The following KCNB2 variants were observed in gnomAD, a reference collection of about 807,000 sequenced individuals.
KCNB2 encodes delayed rectifier potassium channel protein.
In KCNB2, 15 loss-of-function variants were observed where a neutral mutation model predicts 61.5. That is an observed-to-expected ratio of 0.24 (90% CI 0.16 to 0.38). The LOEUF (loss-of-function observed/expected upper bound fraction) is 0.38, where lower values mean the gene tolerates loss of function less well. Among genes scored for constraint, KCNB2 ranks in the 10% least tolerant of loss-of-function variants. KCNB2 has a pLI of 1.00. For synonymous variants in KCNB2, 457 were observed against 446.0 expected (o/e 1.02, Z -0.31); for missense variants, 828 against 1,125.2 (o/e 0.74, Z 3.78).
chr8:72,704,835 G>A (rs375947200), intron 2 of KCNB2, among the ~76,000 whole-genome samples: 1 of 152,186 alleles, frequency 6.6e-6, no homozygotes, highest in African/African-American at 2.4e-5. Flanking sequence ...AAACAGCATA[G>A]TATTTGCATA....
intron 2 of KCNB2, among the ~76,000 whole-genome samples, chr8:72,651,992 T>C (rs953714909): frequency 1.3e-5 from 2 of 152,104 alleles, no homozygotes; most frequent in Non-Finnish European, 2.9e-5. Flanking sequence ...AATGTCTTCT[T>C]GATTCTTCTT....
chr8:72,827,874 G>C (rs1002689198), intron 2 of KCNB2, among the ~76,000 whole-genome samples: 1 of 151,254 alleles, frequency 6.6e-6, no homozygotes, highest in African/African-American at 2.4e-5. Context: ...CTCCAATGGC[G>C]TGATCACGGC....
chr8:72,677,433 G>T (rs1034988300), intron 2 of KCNB2, among the ~76,000 whole-genome samples: 1 of 152,100 alleles, frequency 6.6e-6, no homozygotes, highest in Non-Finnish European at 1.5e-5. Flanking sequence ...CAGCACATAG[G>T]CATGCTGTAA....
At chr8:72,647,650 G>A (rs1472141665) in intron 2 of KCNB2, among the ~76,000 whole-genome samples, 1 of 152,252 alleles carries the variant, frequency 6.6e-6, no homozygotes. Context: ...TTTGCACAGA[G>A]GTGACTGGGT....
chr8:72,621,107 C>T (rs1442217560), intron 2 of KCNB2, among the ~76,000 whole-genome samples: 1 of 152,102 alleles, frequency 6.6e-6, no homozygotes, highest in Non-Finnish European at 1.5e-5. Flanking sequence ...ACTTTTGATA[C>T]AAGAAATAAG....
intron 1 of KCNB2, among the ~76,000 whole-genome samples, chr8:72,543,403 G>T (rs1163603954): frequency 6.6e-6 from 1 of 152,188 alleles, no homozygotes; most frequent in Non-Finnish European, 1.5e-5. Flanking sequence ...TGGATAAGAT[G>T]ATAATATTCA....
At chr8:72,786,114 T>A (rs73686516) in intron 2 of KCNB2, among the ~76,000 whole-genome samples, 21,328 of 151,630 alleles carry the variant, frequency 0.14, 1,813 homozygotes, top group South Asian at 0.3. Flanking sequence ...GCTCACTGCT[T>A]ATCTGTTTAT....
rs1224097767 is a variant in KCNB2 at position 72,634,066 on chromosome 8, G to A, written c.579+65753G>A. On this transcript the variant is annotated intron_variant, in intron 2 of 2. Transcript: ENST00000523207. ...GTAAATTGTCACCTTGCTGTGCACT[G>A]TAATGTTTCTGGTTACCCATCTAAA... Among the ~76,000 whole-genome samples, 11 of 152,206 alleles carry A rather than the reference G, an allele frequency of 7.2e-5. No homozygotes were observed. The South Asian group carries it at 1.9e-3, about 26-fold the overall frequency.
intron 2 of KCNB2, among the ~76,000 whole-genome samples, chr8:72,650,753 A>ACAGT (rs1406100428): frequency 6.6e-6 from 1 of 152,146 alleles, no homozygotes; most frequent in Non-Finnish European, 1.5e-5. Flanking sequence ...TTTTAAAAGG[A>ACAGT]CAGTCAACAT....
At chr8:72,604,508 A>G (rs2128982795) in intron 2 of KCNB2, among the ~76,000 whole-genome samples, 1 of 152,268 alleles carries the variant, frequency 6.6e-6, no homozygotes, top group South Asian at 2.1e-4. Flanking sequence ...AAAATAAACA[A>G]ATAATGTCAA....
At chr8:72,546,291 G>A (rs1806257413) in intron 1 of KCNB2, among the ~76,000 whole-genome samples, 3 of 152,100 alleles carry the variant, frequency 2.0e-5, no homozygotes, top group African/African-American at 7.2e-5. Flanking sequence ...CGAGGCAGGT[G>A]GATCACAAGG....
intron 1 of KCNB2, among the ~76,000 whole-genome samples, chr8:72,559,865 CT>C (rs1806486416): frequency 6.6e-6 from 1 of 152,114 alleles, no homozygotes; most frequent in African/African-American, 2.4e-5. Flanking sequence ...AACTAGAGAT[CT>C]GGGTTCTAGT....
At chr8:72,711,043 T>C (rs760893686) in intron 2 of KCNB2, among the ~76,000 whole-genome samples, 16 of 152,236 alleles carry the variant, frequency 1.1e-4, no homozygotes, top group Non-Finnish European at 1.6e-4. Context: ...TGTCCATCAA[T>C]GATGCTGAGC....
At chr8:72,903,686 T>A (rs981709404) in intron 2 of KCNB2, among the ~76,000 whole-genome samples, 1 of 152,200 alleles carries the variant, frequency 6.6e-6, no homozygotes, top group African/African-American at 2.4e-5. Flanking sequence ...AATATTCCAA[T>A]AACTCTAAAT....
chr8:72,582,289 G>A (rs780232695), intron 2 of KCNB2, among the ~76,000 whole-genome samples: 1 of 152,198 alleles, frequency 6.6e-6, no homozygotes, highest in Non-Finnish European at 1.5e-5. Context: ...AAGGCATCCT[G>A]TTCAGGGCTT....
intron 2 of KCNB2, among the ~76,000 whole-genome samples, chr8:72,843,309 T>C (rs1447499616): frequency 6.6e-6 from 1 of 152,216 alleles, no homozygotes; most frequent in East Asian, 1.9e-4. Context: ...GACTGTTTGT[T>C]ATGATTTCCA....
intron 2 of KCNB2, among the ~76,000 whole-genome samples, chr8:72,770,135 A>C (rs1458241304): frequency 1.3e-5 from 2 of 152,202 alleles, no homozygotes; most frequent in East Asian, 3.9e-4. Context: ...AGCTCCAGAA[A>C]TCCACAGCTT....
Position 72,929,621 on chromosome 8 carries a change from GA to G in KCNB2, c.580-6313del, listed in dbSNP as rs527409991. 2.3e-3 allele frequency among the ~76,000 whole-genome samples: 351 copies of G among 152,246 alleles called. 3 individuals are homozygous for G. The highest frequency in any genetic ancestry group is 1.8e-3 in the Non-Finnish European group (124 of 68,012). On this transcript the variant is annotated intron_variant, in intron 2 of 2. Coordinates refer to ENST00000523207, the MANE Select transcript of KCNB2 (RefSeq NM_004770.3). Reference sequence around the variant, plus strand: ...TGACTTGTCCTGGGTTTGGTTGACAGACATGACTGGAATTAGTAAAATGTTT... The same window carrying G: ...TGACTTGTCCTGGGTTTGGTTGACAGCATGACTGGAATTAGTAAAATGTTT...
chr8:72,918,590 T>C (rs771312667), intron 2 of KCNB2, among the ~76,000 whole-genome samples: 58 of 152,212 alleles, frequency 3.8e-4, no homozygotes, highest in Non-Finnish European at 6.0e-4. Flanking sequence ...ATTCCCCTTT[T>C]TGAGGAATTC....
Sources: gnomAD v4.1 joint callset for allele counts (sites outside exome capture counted in the v4.1 genomes callset) on GRCh38, gnomAD v4.1.1 for gene constraint, MANE v1.5 for transcripts, NCBI Gene and HGNC (gene_info 2026-07-23, HGNC 2026-07-21) for gene names.